OSBPL3: variants seen among roughly 807,000 people sequenced by gnomAD.
OSBPL3 encodes the protein oxysterol binding protein like 3.
A neutral mutation model predicts 120.1 loss-of-function variants in OSBPL3; 65 were observed. The ratio of observed to expected loss-of-function variants is 0.54; its 90% CI spans 0.44 to 0.67. OSBPL3 has a LOEUF of 0.67. Ranked by LOEUF, OSBPL3 falls within the 30% of genes least tolerant of loss-of-function variation. The pLI, the probability that OSBPL3 is intolerant of heterozygous loss-of-function variation, is 0.00. For missense variants in OSBPL3, 1,004 were observed against 1,082.1 expected (o/e 0.93, Z 1.01); for synonymous variants, 416 against 402.6 (o/e 1.03, Z -0.40).
chr7:24,897,493 T>G (rs889868610), intron 1 of OSBPL3, among the ~76,000 whole-genome samples: 1 of 151,408 alleles, frequency 6.6e-6, no homozygotes, highest in African/African-American at 2.4e-5. Flanking sequence ...GCCCGGCTAA[T>G]TTTTTGTATT....
At chr7:24,823,936 G>T (rs576522500) in intron 16 of OSBPL3, among the ~76,000 whole-genome samples, 1 of 152,188 alleles carries the variant, frequency 6.6e-6, no homozygotes, top group African/African-American at 2.4e-5. Context: ...GCAGGATTTT[G>T]GTTGAGTCTG....
chr7:24,842,417 T>C lies in OSBPL3; in HGVS notation c.1267-4A>G. ...GGTTTTCATCTCTGGAGTTTTCCTATTTGAAGAACAAAACCAAAAATGTAT... is the reference window on the plus strand; with the variant it reads ...GGTTTTCATCTCTGGAGTTTTCCTACTTGAAGAACAAAACCAAAAATGTAT... On this transcript the variant is annotated splice_polypyrimidine_tract_variant and splice_region_variant and intron_variant, in intron 12 of 22. Transcript: ENST00000313367. 1.3e-6 allele frequency: 2 copies of C among 1,588,502 alleles called. No homozygotes were observed. The highest frequency in any genetic ancestry group is 2.2e-5 in the East Asian group (1 of 44,726).
intron 1 of OSBPL3, among the ~76,000 whole-genome samples, chr7:24,954,782 G>A (rs1814845865): frequency 6.6e-6 from 1 of 152,152 alleles, no homozygotes; most frequent in Admixed American, 6.5e-5. Flanking sequence ...GCAGGAATAT[G>A]ATGACAAAAC....
At chr7:24,810,743 G>A (rs1242543995) in intron 19 of OSBPL3, among the ~76,000 whole-genome samples, 1 of 152,102 alleles carries the variant, frequency 6.6e-6, no homozygotes. Context: ...CTGCTTCTAT[G>A]AGATCAACTC....
intron 6 of OSBPL3, 82 bp from the exon 7 acceptor site, chr7:24,865,547 G>A (rs1256038036): frequency 1.5e-6 from 2 of 1,376,632 alleles, no homozygotes; most frequent in African/African-American, 1.4e-5. Flanking sequence ...TAACAGAGTG[G>A]GCTAGTCACT....
In OSBPL3 at chr7:24,939,965, G is replaced by A. The variant is rs1812891789; in HGVS notation, c.-150+39921C>T. On this transcript the variant is annotated intron_variant, in intron 1 of 22. Transcript: ENST00000313367. This position sits in a 1 kb window ranked among gnomAD's most constrained non-coding sequence, Gnocchi z 4.2. ...ACATGTATACCTATGTAACAAACCTGCATGTTCTGCACATGTATCCCAGAA... is the reference window on the plus strand; with the variant it reads ...ACATGTATACCTATGTAACAAACCTACATGTTCTGCACATGTATCCCAGAA... Among the ~76,000 whole-genome samples, 2 of 152,066 alleles carry A rather than the reference G, an allele frequency of 1.3e-5. No homozygotes were observed. The highest frequency in any genetic ancestry group is 2.9e-5 in the Non-Finnish European group (2 of 68,008).
chr7:24,886,613 C>A (rs757400252), intron 2 of OSBPL3, among the ~76,000 whole-genome samples: 6 of 152,194 alleles, frequency 3.9e-5, no homozygotes, highest in Non-Finnish European at 5.9e-5. Context: ...GTATCTTCTA[C>A]ATGCAAAGCC....
Position 24,908,608 on chromosome 7 carries a change from T to C in OSBPL3, c.-149-15987A>G, listed in dbSNP as rs146762946. Among the ~76,000 whole-genome samples the C allele has an allele frequency of 4.6e-3, 695 of 152,328 alleles. 7 individuals are homozygous for C. Among genetic ancestry groups the C allele is most frequent in the African/African-American group, 0.015 (636 of 41,578 alleles). On this transcript the variant is annotated intron_variant, in intron 1 of 22. Coordinates refer to ENST00000313367, the MANE Select transcript of OSBPL3 (RefSeq NM_015550.4). ...GTCACGAGAACCACGCTAACCGTGG[T>C]GAGACAGATCCAGTGATGCTATCTA...
In OSBPL3 at chr7:24,855,601, T is replaced by A. The variant is rs1799745615; in HGVS notation, c.1028-2967A>T. Among the ~76,000 whole-genome samples, 1 of 152,158 alleles carries A rather than the reference T, an allele frequency of 6.6e-6. No individual in the cohort carries two copies. Among genetic ancestry groups the A allele is most frequent in the South Asian group, 2.1e-4 (1 of 4,822 alleles). Reference sequence around the variant, plus strand: ...TGACTATCAGGGCCCACTCAGGACATTAAAATAGTCATTCACAGCCACCTA... The same window carrying A: ...TGACTATCAGGGCCCACTCAGGACAATAAAATAGTCATTCACAGCCACCTA... On this transcript the variant is annotated intron_variant, in intron 10 of 22. Transcript: ENST00000313367. This position sits in a 1 kb window ranked among gnomAD's most constrained non-coding sequence, Gnocchi z 4.3.
Position 24,879,775 on chromosome 7 carries a change from T to C in OSBPL3, c.97-7706A>G, listed in dbSNP as rs1803388286. Reference sequence around the variant, plus strand: ...ACCACAGACGGATTTATAATTAAAATAGCATTAATAAAAACACTTCAATGT... The same window carrying C: ...ACCACAGACGGATTTATAATTAAAACAGCATTAATAAAAACACTTCAATGT... On this transcript the variant is annotated intron_variant, in intron 2 of 22. Coordinates refer to ENST00000313367, the MANE Select transcript of OSBPL3 (RefSeq NM_015550.4). This position sits in a 1 kb window ranked among gnomAD's most constrained non-coding sequence, Gnocchi z 5.6. Among the ~76,000 whole-genome samples the C allele has an allele frequency of 6.6e-6, 1 of 152,198 alleles. No individual in the cohort carries two copies. Among genetic ancestry groups the C allele is most frequent in the Admixed American group, 6.5e-5 (1 of 15,276 alleles).
chr7:24,823,085 T>C (rs1375008843), intron 16 of OSBPL3, among the ~76,000 whole-genome samples: 1 of 152,216 alleles, frequency 6.6e-6, no homozygotes, highest in African/African-American at 2.4e-5. Flanking sequence ...TGTGCTGCAC[T>C]AGTGTCCGGG....
Position 24,797,296 on chromosome 7 carries a change from C to T in OSBPL3, c.*2887G>A, listed in dbSNP as rs899100491. On this transcript the variant is annotated 3_prime_UTR_variant, in exon 23 of 23. Coordinates refer to ENST00000313367, the MANE Select transcript of OSBPL3 (RefSeq NM_015550.4). This position sits in a 1 kb window ranked among gnomAD's most constrained non-coding sequence, Gnocchi z 4.8. Reference sequence around the variant, plus strand: ...ATGAGAAAAGCAGCAGTGTAAATGACGTAAACATTAAAAAATATATTAGTT... The same window carrying T: ...ATGAGAAAAGCAGCAGTGTAAATGATGTAAACATTAAAAAATATATTAGTT... 7 of 152,164 alleles carry T rather than the reference C, an allele frequency of 4.6e-5. No homozygotes were observed. Among genetic ancestry groups the T allele is most frequent in the South Asian group, 2.1e-4 (1 of 4,820 alleles). 9.4% of individuals were successfully genotyped at this position (152,164 alleles called of 1,614,324 possible).
At chr7:24,825,934 A>G (rs1161084731) in intron 16 of OSBPL3, among the ~76,000 whole-genome samples, 1 of 152,254 alleles carries the variant, frequency 6.6e-6, no homozygotes, top group African/African-American at 2.4e-5. Context: ...AAATGGTTAA[A>G]ATGAACAATG....
At chr7:24,865,291 C>A (rs758870765) in intron 7 of OSBPL3, 51 bp downstream of exon 7, 1 of 1,591,352 alleles carries the variant, frequency 6.3e-7, no homozygotes, top group Non-Finnish European at 8.6e-7. Context: ...AACATCAAAC[C>A]AGTATCATCT....
At chr7:24,859,357 AAAGTT>A (rs140961232) in intron 10 of OSBPL3, among the ~76,000 whole-genome samples, 7,963 of 152,238 alleles carry the variant, frequency 0.052, 516 homozygotes, top group African/African-American at 0.15. Flanking sequence ...AATTGAAAAA[AAAGTT>A]AAGCAGAAAG....
Position 24,938,166 on chromosome 7 carries a change from C to A in OSBPL3, c.-150+41720G>T, listed in dbSNP as rs188789326. ...AACCTGATGGTATTAGGAGTTGGAG[C>A]CTTTGGGCGGTGATCAAGTCATGAG... On this transcript the variant is annotated intron_variant, in intron 1 of 22. Transcript: ENST00000313367. This position sits in a 1 kb window ranked among gnomAD's most constrained non-coding sequence, Gnocchi z 5.8. 6.6e-6 allele frequency among the ~76,000 whole-genome samples: 1 copy of A among 152,278 alleles called. No individual in the cohort carries two copies. The highest frequency in any genetic ancestry group is 6.5e-5 in the Admixed American group (1 of 15,302).
At chr7:24,889,905 C>T (rs1171957838) in intron 2 of OSBPL3, among the ~76,000 whole-genome samples, 1 of 152,118 alleles carries the variant, frequency 6.6e-6, no homozygotes, top group Non-Finnish European at 1.5e-5. Context: ...CTGTCTGGGG[C>T]CTGGTGCTGG....
intron 2 of OSBPL3, among the ~76,000 whole-genome samples, chr7:24,884,579 G>C (rs922620984): frequency 1.3e-5 from 2 of 152,188 alleles, no homozygotes; most frequent in African/African-American, 4.8e-5. Flanking sequence ...AGATGAAGCA[G>C]GGAAGCAGCT....
chr7:24,868,697 GA>G (rs1457124338), intron 5 of OSBPL3, among the ~76,000 whole-genome samples: 1 of 152,286 alleles, frequency 6.6e-6, no homozygotes, highest in Admixed American at 6.5e-5. Context: ...TTTACAGGAA[GA>G]AGCAATACAA....
Sources: allele counts gnomAD v4.1 joint callset (sites outside exome capture counted in the v4.1 genomes callset), GRCh38; gene constraint gnomAD v4.1.1; non-coding constraint Gnocchi (gnomAD v3.1); transcripts MANE v1.5; gene names NCBI Gene and HGNC (gene_info 2026-07-23, HGNC 2026-07-21).